DAB1: variants seen among roughly 807,000 people sequenced by gnomAD.
DAB1 encodes disabled homolog 1.
A neutral mutation model predicts 64.6 loss-of-function variants in DAB1; 15 were observed. The observed-to-expected ratio is 0.23, with a 90% CI of 0.16 to 0.36. The LOEUF (loss-of-function observed/expected upper bound fraction) is 0.36, where lower values mean the gene tolerates loss of function less well. DAB1 is among the 10% of genes least tolerant of loss of function. The pLI, the probability that DAB1 is intolerant of heterozygous loss-of-function variation, is 1.00. For synonymous variants in DAB1, 235 were observed against 251.9 expected, an observed-to-expected ratio of 0.93 and a Z score of 0.64; for missense variants, 596 against 706.7, an observed-to-expected ratio of 0.84 and a Z score of 1.78.
chr1:58,407,242 G>C (rs764316798), intron 3 of DAB1, among the ~76,000 whole-genome samples: 1 of 152,102 alleles, frequency 6.6e-6, no homozygotes, highest in East Asian at 1.9e-4. Flanking sequence ...CTGGGAGAAG[G>C]AATGGTTAGT....
chr1:57,757,220 T>TTTTTTTTTTTTTTTTTTTTTTTTTTTTTG lies in DAB1; in HGVS notation n.552-107556_552-107555insCAAAAAAAAAAAAAAAAAAAAAAAAAAAA, dbSNP rs200688727. Among the ~76,000 whole-genome samples the TTTTTTTTTTTTTTTTTTTTTTTTTTTTTG allele has an allele frequency of 1.4e-3, 174 of 120,126 alleles. 16 individuals carry two copies. Among genetic ancestry groups the TTTTTTTTTTTTTTTTTTTTTTTTTTTTTG allele is most frequent in the East Asian group, 4.3e-3 (17 of 3,928 alleles). 78.8% of individuals were successfully genotyped at this position (120,126 alleles called of 152,430 possible). On this transcript the variant is annotated intron_variant and non_coding_transcript_variant, in intron 6 of 20. Coordinates refer to the DAB1 transcript ENST00000485760. ...AGAATTTTTTTTTTTTTTTTTTTTT[T>TTTTTTTTTTTTTTTTTTTTTTTTTTTTTG]AGCAGCAATGATGGAGGCTAACAGC... is the stretch of plus-strand genomic sequence containing the variant.
intron 5 of DAB1, among the ~76,000 whole-genome samples, chr1:57,981,470 G>T (rs909277668): frequency 1.3e-5 from 2 of 152,080 alleles, no homozygotes; most frequent in Non-Finnish European, 2.9e-5. Context: ...CAGTGAAAAG[G>T]CATGATCCTA....
chr1:57,423,250 G>A (rs905891895), intron 1 of DAB1, among the ~76,000 whole-genome samples: 3 of 151,368 alleles, frequency 2.0e-5, no homozygotes, highest in Non-Finnish European at 4.4e-5. Flanking sequence ...CTAGCTGGGC[G>A]TGGGGGGAGG....
chr1:57,635,509 C>T (rs903447838), intron 7 of DAB1, among the ~76,000 whole-genome samples: 10 of 152,210 alleles, frequency 6.6e-5, no homozygotes, highest in Admixed American at 2.6e-4. Flanking sequence ...ATCTAGGTTG[C>T]GTGCTCCTTA....
intron 5 of DAB1, among the ~76,000 whole-genome samples, chr1:58,000,219 A>G (rs1646485980): frequency 1.3e-5 from 2 of 152,186 alleles, no homozygotes; most frequent in Admixed American, 1.3e-4. Context: ...TCTTCAGTGT[A>G]TCATACTTAG....
intron 5 of DAB1, among the ~76,000 whole-genome samples, chr1:57,936,478 G>A (rs1023035371): frequency 9.9e-5 from 15 of 152,144 alleles, no homozygotes; most frequent in South Asian, 4.1e-4. Context: ...TGAAAACTCC[G>A]CCTGCTGGGT....
chr1:58,078,079 A>T (rs1245123413), intron 5 of DAB1: 1 of 152,286 alleles, frequency 6.6e-6, no homozygotes, highest in Non-Finnish European at 1.5e-5. Context: ...CAGAACTCAG[A>T]CAACAGGAAA....
At chr1:57,567,707 T>C (rs933097281) in intron 7 of DAB1, among the ~76,000 whole-genome samples, 2 of 151,994 alleles carry the variant, frequency 1.3e-5, no homozygotes, top group Non-Finnish European at 2.9e-5. Context: ...CACCAAGGAA[T>C]CCAACTTAAA....
chr1:57,695,384 GAAAGAAAGAAAGA>G (rs1557427862), intron 6 of DAB1, among the ~76,000 whole-genome samples: 165 of 75,112 alleles, frequency 2.2e-3, no homozygotes, highest in African/African-American at 3.7e-3. Context: ...AAGAAAGAAA[GAAAGAAAGAAAGA>G]AAGAAAGAAA....
chr1:57,997,151 G>T (rs1217325305), intron 5 of DAB1, among the ~76,000 whole-genome samples: 1 of 152,094 alleles, frequency 6.6e-6, no homozygotes, highest in African/African-American at 2.4e-5. Context: ...CTCGGCAAGT[G>T]GGCACCAGCA....
At chr1:58,274,083 G>A (rs201873703) in intron 4 of DAB1, among the ~76,000 whole-genome samples, 41 of 136,916 alleles carry the variant, frequency 3.0e-4, no homozygotes, top group East Asian at 1.5e-3. Flanking sequence ...GAGGAGAGGT[G>A]CTCTGCATTT....
intron 4 of DAB1, among the ~76,000 whole-genome samples, chr1:58,158,719 G>C (rs545205958): frequency 2.6e-5 from 4 of 152,188 alleles, no homozygotes; most frequent in Non-Finnish European, 5.9e-5. Context: ...ATCATACCCC[G>C]GAAGGAGGAG....
chr1:58,458,863 A>T (rs1056136187), intron 3 of DAB1, among the ~76,000 whole-genome samples: 1 of 152,126 alleles, frequency 6.6e-6, no homozygotes, highest in Non-Finnish European at 1.5e-5. Flanking sequence ...TCTACTTACC[A>T]AAGTCTAAAT....
At chr1:57,387,384 C>T (rs1466420912) in intron 1 of DAB1, 7 of 152,186 alleles carry the variant, frequency 4.6e-5, no homozygotes, top group Non-Finnish European at 1.0e-4. Flanking sequence ...GAAATTCTCA[C>T]TGGTCCATCT....
intron 3 of DAB1, among the ~76,000 whole-genome samples, chr1:58,430,576 TGAA>T (rs1205959099): frequency 6.6e-6 from 1 of 152,108 alleles, no homozygotes; most frequent in East Asian, 1.9e-4. Flanking sequence ...CAGAGGAGTT[TGAA>T]GAAGACTGCC....
chr1:57,306,513 CTTTTTT>C (rs1166241090), intron 1 of DAB1, among the ~76,000 whole-genome samples: 1 of 114,344 alleles, frequency 8.7e-6, no homozygotes, highest in South Asian at 2.9e-4. Flanking sequence ...TTAGAACAGG[CTTTTTT>C]TTTTTTTTTT....
intron 5 of DAB1, among the ~76,000 whole-genome samples, chr1:58,096,774 C>T (rs1306039245): frequency 6.6e-6 from 1 of 152,226 alleles, no homozygotes; most frequent in African/African-American, 2.4e-5. Flanking sequence ...CTCTTCAGGG[C>T]TGCCATGGAC....
intron 4 of DAB1, among the ~76,000 whole-genome samples, chr1:57,072,986 T>G (rs1651651100): frequency 6.6e-6 from 1 of 152,204 alleles, no homozygotes; most frequent in Non-Finnish European, 1.5e-5. Flanking sequence ...CTCAGGCTTT[T>G]CATTGGTAGA....
intron 1 of DAB1, among the ~76,000 whole-genome samples, chr1:57,410,164 TAAG>T (rs1683994447): frequency 6.6e-6 from 1 of 152,136 alleles, no homozygotes; most frequent in South Asian, 2.1e-4. Flanking sequence ...TTGGGAATAA[TAAG>T]AAATTAAAAG....
Sources: allele counts gnomAD v4.1 joint callset (sites outside exome capture counted in the v4.1 genomes callset), GRCh38; gene constraint gnomAD v4.1.1; transcripts MANE v1.5; gene names NCBI Gene and HGNC (gene_info 2026-07-23, HGNC 2026-07-21).